The following KCTD1 variants were observed in gnomAD, a reference collection of about 807,000 sequenced individuals.
The protein encoded by KCTD1 is BTB/POZ domain-containing protein KCTD1.
In KCTD1, 24 loss-of-function variants were observed where a neutral mutation model predicts 66.0. The observed-to-expected ratio is 0.36, with a 90% CI of 0.26 to 0.51. The LOEUF (loss-of-function observed/expected upper bound fraction) is 0.51, where lower values mean the gene tolerates loss of function less well. Ranked by LOEUF, KCTD1 falls within the 20% of genes least tolerant of loss-of-function variation. The pLI is 0.95. For synonymous variants in KCTD1, 511 were observed against 517.2 expected, an observed-to-expected ratio of 0.99 and a Z score of 0.16; for missense variants, 943 against 1,205.2, an observed-to-expected ratio of 0.78 and a Z score of 3.22.
intron 1 of KCTD1, among the ~76,000 whole-genome samples, chr18:26,528,543 G>A (rs567180636): frequency 6.6e-6 from 1 of 152,214 alleles, no homozygotes; most frequent in South Asian, 2.1e-4. Context: ...CTCCTCTAGA[G>A]CCCTGCCTTC....
At chr18:26,460,551 G>C (rs995000854) in intron 3 of KCTD1, among the ~76,000 whole-genome samples, 6 of 152,140 alleles carry the variant, frequency 3.9e-5, no homozygotes, top group Non-Finnish European at 8.8e-5. Context: ...TGATGGTTTG[G>C]GGGAGGCTGG....
chr18:26,656,466 G>A (rs899393863), intron 1 of KCTD1, among the ~76,000 whole-genome samples: 2 of 151,998 alleles, frequency 1.3e-5, no homozygotes, highest in African/African-American at 2.4e-5. Context: ...AGGAGGGCTG[G>A]AGATGGGAGG....
intron 1 of KCTD1, among the ~76,000 whole-genome samples, chr18:26,540,474 G>A (rs555085054): frequency 2.0e-5 from 3 of 152,204 alleles, no homozygotes; most frequent in Admixed American, 6.5e-5. Flanking sequence ...ACTTATATGC[G>A]AGTGTTTTTC....
At chr18:26,618,309 T>C (rs1168608892) in intron 1 of KCTD1, among the ~76,000 whole-genome samples, 1 of 152,224 alleles carries the variant, frequency 6.6e-6, no homozygotes, top group Non-Finnish European at 1.5e-5. Flanking sequence ...AGAAGTTAAT[T>C]GAATGGATTA....
intron 1 of KCTD1, among the ~76,000 whole-genome samples, chr18:26,619,994 G>C (rs528583384): frequency 3.3e-4 from 50 of 152,136 alleles, no homozygotes; most frequent in Admixed American, 1.3e-3. Flanking sequence ...CACTTACCTA[G>C]TCATACAATA....
chr18:26,548,978 C>G (rs1240646568), upstream of KCTD1: 3 of 985,338 alleles, frequency 3.0e-6, no homozygotes, highest in Non-Finnish European at 3.6e-6. Context: ...AAGTAATGCC[C>G]GAGGAGCAGT....
At chr18:26,564,148 G>A (rs1028748331) in intron 1 of KCTD1, among the ~76,000 whole-genome samples, 2 of 151,934 alleles carry the variant, frequency 1.3e-5, no homozygotes, top group African/African-American at 2.4e-5. Flanking sequence ...TGTAAGCTCC[G>A]TGTATCCATT....
At chr18:26,473,485 AG>A (rs1218151761) in intron 3 of KCTD1, among the ~76,000 whole-genome samples, 4 of 152,050 alleles carry the variant, frequency 2.6e-5, no homozygotes, top group African/African-American at 9.7e-5. Context: ...ATAGGTTGAT[AG>A]GTGCAGCAAA....
upstream of KCTD1, among the ~76,000 whole-genome samples, chr18:26,643,774 A>G (rs570974515): frequency 1.6e-4 from 24 of 152,296 alleles, no homozygotes; most frequent in African/African-American, 3.8e-4. Context: ...CATCCTGGCT[A>G]ACACGATGAA....
At chr18:26,633,605 T>C (rs1302315085), upstream of KCTD1, among the ~76,000 whole-genome samples, 4 of 152,124 alleles carry the variant, frequency 2.6e-5, no homozygotes, top group Non-Finnish European at 5.9e-5. Flanking sequence ...TTGGAAAAAA[T>C]ACTTGTAACC....
chr18:26,593,667 G>A (rs1986689735), intron 1 of KCTD1, among the ~76,000 whole-genome samples: 1 of 129,772 alleles, frequency 7.7e-6, no homozygotes, highest in African/African-American at 3.0e-5. Context: ...AAGAGGAGGA[G>A]GAGGAAGATG....
At chr18:26,464,724 C>CCT (rs1313012510) in intron 3 of KCTD1, among the ~76,000 whole-genome samples, 3 of 152,178 alleles carry the variant, frequency 2.0e-5, no homozygotes. Flanking sequence ...GTCTCCAATA[C>CCT]CTCCCAGGAG....
chr18:26,492,357 G>A (rs1982245733), intron 2 of KCTD1, among the ~76,000 whole-genome samples: 1 of 152,070 alleles, frequency 6.6e-6, no homozygotes, highest in Non-Finnish European at 1.5e-5. Context: ...TATGAGGCTG[G>A]GAGCCGTGGC....
chr18:26,464,099 C>T (rs118078859), intron 3 of KCTD1, among the ~76,000 whole-genome samples: 3,143 of 152,328 alleles, frequency 0.021, 47 homozygotes, highest in Middle Eastern at 0.075. Context: ...CCTACTGCTG[C>T]TGTGAGAAAT....
chr18:26,549,986 T>C (rs1055634898), upstream of KCTD1, among the ~76,000 whole-genome samples: 2 of 152,068 alleles, frequency 1.3e-5, no homozygotes, highest in African/African-American at 4.8e-5. Flanking sequence ...GGCTGTTCTC[T>C]TAGGAGGCAC....
intron 1 of KCTD1, among the ~76,000 whole-genome samples, chr18:26,627,693 T>G (rs747263017): frequency 1.3e-5 from 2 of 152,240 alleles, no homozygotes; most frequent in Non-Finnish European, 2.9e-5. Context: ...AACAACACTA[T>G]GCAATTTAGC....
chr18:26,615,123 G>A (rs940950283), intron 1 of KCTD1, among the ~76,000 whole-genome samples: 16 of 152,174 alleles, frequency 1.1e-4, no homozygotes, highest in African/African-American at 3.9e-4. Flanking sequence ...GCAGGGAAAC[G>A]TTATGGGCTT....
chr18:26,614,960 C>T (rs993719657), intron 1 of KCTD1, among the ~76,000 whole-genome samples: 8 of 152,220 alleles, frequency 5.3e-5, no homozygotes, highest in African/African-American at 1.9e-4. Context: ...TTTCAAATAA[C>T]AGCTTGCCTT....
intron 1 of KCTD1, among the ~76,000 whole-genome samples, chr18:26,585,152 G>C (rs1482760557): frequency 6.6e-6 from 1 of 152,074 alleles, no homozygotes; most frequent in South Asian, 2.1e-4. Context: ...AACTTAACTG[G>C]ACCCCTAACT....
Sources: gnomAD v4.1 joint callset for allele counts (sites outside exome capture counted in the v4.1 genomes callset) on GRCh38, gnomAD v4.1.1 for gene constraint, MANE v1.5 for transcripts, NCBI Gene and HGNC (gene_info 2026-07-23, HGNC 2026-07-21) for gene names.